Variants in ABI1 observed in about 807,000 individuals in gnomAD.
ABI1 encodes Abelson interactor 1.
Under a neutral mutation model 54.6 loss-of-function variants are expected in ABI1, and 14 were observed. The ratio of observed to expected loss-of-function variants is 0.26; its 90% CI spans 0.17 to 0.40. The LOEUF (loss-of-function observed/expected upper bound fraction) is 0.40. Ranked by LOEUF, ABI1 falls within the 10% of genes least tolerant of loss-of-function variation. The probability of loss-of-function intolerance (pLI) is 1.00; values close to 1 mark genes in which losing one functional copy is unlikely to be tolerated. For synonymous variants in ABI1, 194 were observed against 209.3 expected, an observed-to-expected ratio of 0.93 and a Z score of 0.63; for missense variants, 443 against 598.3, an observed-to-expected ratio of 0.74 and a Z score of 2.71.
intron 6 of ABI1, among the ~76,000 whole-genome samples, chr10:26,766,313 T>C (rs986856314): frequency 1.3e-5 from 2 of 152,324 alleles, no homozygotes; most frequent in Non-Finnish European, 2.9e-5. Context: ...TAGTTGTTTC[T>C]AGTAAGGTAT....
intron 7 of ABI1, among the ~76,000 whole-genome samples, chr10:26,761,312 G>A (rs1217957596): frequency 3.3e-5 from 5 of 151,714 alleles, no homozygotes; most frequent in South Asian, 2.1e-4. Context: ...TACAGAAATC[G>A]AGTTATTTTT....
chr10:26,770,214 A>C (rs1304707623), intron 5 of ABI1, 31 bp downstream of exon 5: 1 of 1,574,492 alleles, frequency 6.4e-7, no homozygotes, highest in African/African-American at 1.3e-5. Context: ...TAGCATATGA[A>C]TTCTTTTGCA....
At chr10:26,828,729 G>T (rs2048467791) in intron 1 of ABI1, among the ~76,000 whole-genome samples, 1 of 152,022 alleles carries the variant, frequency 6.6e-6, no homozygotes, top group Non-Finnish European at 1.5e-5. Flanking sequence ...AAGAGGGGAA[G>T]GAAAAACTGA....
In ABI1 at chr10:26,755,624, C is replaced by T. The variant is rs202029113; in HGVS notation, c.1084+31G>A. The T allele has an allele frequency of 1.9e-3, 2,909 of 1,555,486 alleles. 9 individuals are homozygous for T. Among genetic ancestry groups the T allele is most frequent in the Middle Eastern group, 3.4e-3 (20 of 5,944 alleles). ...GCATGCTATAAGGAGACAGCCTCTA[C>T]TCTTCCATAGCTCAGTTTTTCCAAA... On this transcript the variant is annotated intron_variant, in intron 9 of 10. Transcript: ENST00000376140.
chr10:26,810,857 A>C (rs1331736425), intron 2 of ABI1, among the ~76,000 whole-genome samples: 2 of 152,102 alleles, frequency 1.3e-5, no homozygotes, highest in Non-Finnish European at 2.9e-5. Flanking sequence ...TATTTTAGCC[A>C]AAATGTGTTT....
intron 1 of ABI1, chr10:26,839,868 T>A (rs1589041806): frequency 7.5e-6 from 5 of 670,558 alleles, no homozygotes; most frequent in Non-Finnish European, 1.3e-5. Flanking sequence ...CACGTGCCTG[T>A]AGTCCCAACA....
intron 1 of ABI1, among the ~76,000 whole-genome samples, chr10:26,852,828 A>G (rs546252366): frequency 6.6e-6 from 1 of 152,368 alleles, no homozygotes; most frequent in East Asian, 1.9e-4. Context: ...ACACTTCGGG[A>G]GGCCAAGGCA....
intron 8 of ABI1, among the ~76,000 whole-genome samples, chr10:26,757,324 A>T (rs1838444626): frequency 6.6e-6 from 1 of 152,216 alleles, no homozygotes; most frequent in African/African-American, 2.4e-5. Flanking sequence ...TATTCAAAAG[A>T]ATGTGGTCAT....
chr10:26,786,860 C>G (rs1160753816), intron 2 of ABI1, among the ~76,000 whole-genome samples: 1 of 152,112 alleles, frequency 6.6e-6, no homozygotes, highest in South Asian at 2.1e-4. Flanking sequence ...ATTCAAGAAC[C>G]CTCCTCTAAG....
intron 2 of ABI1, among the ~76,000 whole-genome samples, chr10:26,816,415 GA>G (rs2047568768): frequency 2.0e-5 from 3 of 152,208 alleles, no homozygotes; most frequent in African/African-American, 7.2e-5. Flanking sequence ...AAGGGAAGAA[GA>G]TACTACAGAT....
chr10:26,760,934 T>G (rs1035723896), intron 7 of ABI1, among the ~76,000 whole-genome samples: 3 of 144,578 alleles, frequency 2.1e-5, no homozygotes, highest in Non-Finnish European at 4.6e-5. Flanking sequence ...CCTTTAACTG[T>G]TTTTTTTTTA....
intron 2 of ABI1, among the ~76,000 whole-genome samples, chr10:26,782,359 C>A (rs997222873): frequency 6.6e-6 from 1 of 151,774 alleles, no homozygotes; most frequent in Non-Finnish European, 1.5e-5. Context: ...CAAAAAACCT[C>A]AACAACAACA....
chr10:26,819,899 C>T (rs545058532), intron 2 of ABI1, among the ~76,000 whole-genome samples: 1 of 152,200 alleles, frequency 6.6e-6, no homozygotes, highest in South Asian at 2.1e-4. Flanking sequence ...ACCTGTAGGA[C>T]CTTACAGTAA....
chr10:26,800,630 A>G (rs569356834), intron 2 of ABI1, among the ~76,000 whole-genome samples: 2 of 152,240 alleles, frequency 1.3e-5, no homozygotes, highest in Non-Finnish European at 2.9e-5. Context: ...AAACAAAAAA[A>G]TAAGGCAGGA....
At chr10:26,827,126 G>C (rs1198226406) in intron 1 of ABI1, among the ~76,000 whole-genome samples, 1 of 151,924 alleles carries the variant, frequency 6.6e-6, no homozygotes, top group Non-Finnish European at 1.5e-5. Flanking sequence ...TGTTGTCCAG[G>C]CTGGTCTTGA....
chr10:26,836,345 T>A (rs1485412247), intron 1 of ABI1, among the ~76,000 whole-genome samples: 1 of 152,134 alleles, frequency 6.6e-6, no homozygotes, highest in Non-Finnish European at 1.5e-5. Flanking sequence ...ACTCCTGACC[T>A]CAGGCAATCC....
intron 1 of ABI1, among the ~76,000 whole-genome samples, chr10:26,851,707 C>T (rs2050410228): frequency 6.6e-6 from 1 of 151,318 alleles, no homozygotes; most frequent in South Asian, 2.1e-4. Context: ...AGGACTTTAG[C>T]TAGGAGGAAG....
rs541785301 is a variant in ABI1, at chr10:26,786,999, G to T, written c.286-9758C>A. 2.0e-5 allele frequency among the ~76,000 whole-genome samples: 3 copies of T among 152,254 alleles called. No homozygotes were observed. In the South Asian group the frequency reaches 6.2e-4, roughly 32 times the overall value. Reference sequence around the variant, plus strand: ...ATGCTCCTACTTCAATTCTCTATTGGTTTATGTAAGTCAGACATCTAGCAT... The same window carrying T: ...ATGCTCCTACTTCAATTCTCTATTGTTTTATGTAAGTCAGACATCTAGCAT... On this transcript the variant is annotated intron_variant, in intron 2 of 10. Transcript: ENST00000376140.
At chr10:26,841,819 C>T (rs1414200216) in intron 1 of ABI1, among the ~76,000 whole-genome samples, 1 of 152,114 alleles carries the variant, frequency 6.6e-6, no homozygotes, top group Non-Finnish European at 1.5e-5. Flanking sequence ...ATCACATGTT[C>T]TTTATCCATT....
Sources: gnomAD v4.1 joint callset for allele counts (sites outside exome capture counted in the v4.1 genomes callset) on GRCh38, gnomAD v4.1.1 for gene constraint, MANE v1.5 for transcripts, NCBI Gene and HGNC (gene_info 2026-07-23, HGNC 2026-07-21) for gene names.